RFX7: variants seen among roughly 807,000 people sequenced by gnomAD.
RFX7 encodes regulatory factor X7.
Under a neutral mutation model 111.8 loss-of-function variants are expected in RFX7, and 26 were observed. That is an observed-to-expected ratio of 0.23 (90% CI 0.17 to 0.32). The LOEUF is 0.32. Ranked by LOEUF, RFX7 falls within the 10% of genes least tolerant of loss-of-function variation. RFX7 has a pLI of 1.00. For synonymous variants in RFX7, 624 were observed against 624.4 expected, an observed-to-expected ratio of 1.00 and a Z score of 0.01; for missense variants, 1,573 against 1,772.9, an observed-to-expected ratio of 0.89 and a Z score of 2.02.
chr15:56,094,406 G>A lies in RFX7; in HGVS notation c.3322C>T (p.Gln1108Ter). ...GTGTCATGATGTCTGGATTGAGACTGATAAGACTGTCCAGGCACAGCAAAA... is the reference window on the plus strand; with the variant it reads ...GTGTCATGATGTCTGGATTGAGACTAATAAGACTGTCCAGGCACAGCAAAA... ...HAFAVPGQSY[Q>*]SQSRHHDTHF... The change falls in exon 10 of 10, where the codon CAG becomes TAG. Residue 1108 changes from glutamine to a stop codon, truncating the protein, a stop_gained. Coordinates refer to ENST00000559447, the MANE Select transcript of RFX7 (RefSeq NM_022841.7). LOFTEE classifies it high-confidence loss of function. 6.2e-7 allele frequency: 1 copy of A among 1,613,958 alleles called. No homozygotes were observed. Among genetic ancestry groups the A allele is most frequent in the African/African-American group, 1.3e-5 (1 of 75,038 alleles).
intron 2 of RFX7, among the ~76,000 whole-genome samples, chr15:56,213,906 A>G (rs539569459): frequency 6.6e-6 from 1 of 152,256 alleles, no homozygotes; most frequent in Admixed American, 6.5e-5. Context: ...TTCTTTTACA[A>G]TCTTTGTCAC....
chr15:56,144,409 T>C lies in RFX7; in HGVS notation c.270A>G (p.Gly90=). ...YLQLPSGLSN[G]EKSDQNAMSS... ...GACAAGAATAGATATACCTTTTCTC[T>C]CCATTGCTGAGACCAGAAGGCAGCT... Residue 90 remains glycine, a synonymous_variant, in exon 4 of 10, where the codon GGA becomes GGG. Transcript: ENST00000559447. The C allele has an allele frequency of 7.4e-7, 1 of 1,359,262 alleles. No homozygotes were observed. The highest frequency in any genetic ancestry group is 9.9e-7 in the Non-Finnish European group (1 of 1,014,588). 84.2% of individuals were successfully genotyped at this position (1,359,262 alleles called of 1,614,324 possible). A position where few individuals can be genotyped will look rare whatever the true frequency, so the allele number is the denominator to read the frequency against.
chr15:56,093,549 G>C lies in RFX7; in HGVS notation c.4179C>G (p.Ser1393Arg). The change falls in exon 10 of 10, where the codon AGC becomes AGG. Residue 1393 changes from serine (S) to arginine (R), a missense_variant. Physicochemically the swap from Ser to Arg is moderately radical, Grantham distance 110. This residue lies in a region of RFX7 where 411 missense variants were observed against 478.1 expected (regional missense o/e 0.86). Transcript: ENST00000559447. ...DIRLSSELSG[S>R]INDLNTLDPN... ...GGTCTAAAGTGTTCAAATCATTGAT[G>C]CTGCCTGAGAGCTCAGAAGACAACC... 6.2e-7 allele frequency: 1 copy of C among 1,613,824 alleles called. No homozygotes were observed. Among genetic ancestry groups the C allele is most frequent in the Non-Finnish European group, 8.5e-7 (1 of 1,179,778 alleles).
chr15:56,221,261 C>T (rs1320475509), intron 2 of RFX7, among the ~76,000 whole-genome samples: 2 of 152,158 alleles, frequency 1.3e-5, no homozygotes, highest in Non-Finnish European at 2.9e-5. Flanking sequence ...CTGTAAAATG[C>T]CTTGGGCAGT....
chr15:56,217,506 T>C (rs1198185033), intron 2 of RFX7, among the ~76,000 whole-genome samples: 1 of 152,064 alleles, frequency 6.6e-6, no homozygotes, highest in Non-Finnish European at 1.5e-5. Context: ...ATTTGTGTGA[T>C]TGCTTTCTCT....
At chr15:56,208,206 G>A (rs1407013688) in intron 2 of RFX7, among the ~76,000 whole-genome samples, 2 of 152,146 alleles carry the variant, frequency 1.3e-5, no homozygotes, top group Admixed American at 1.3e-4. Flanking sequence ...TCCTAATAAC[G>A]CTACCCTCAG....
chr15:56,244,190 A>G (rs2043778913), upstream of RFX7: 1 of 152,314 alleles, frequency 6.6e-6, no homozygotes, highest in Non-Finnish European at 1.5e-5. Flanking sequence ...CTTCAAAGCA[A>G]GTAAAGAGAA....
chr15:56,127,313 T>C (rs1248171918), intron 5 of RFX7, among the ~76,000 whole-genome samples: 1 of 151,460 alleles, frequency 6.6e-6, no homozygotes, highest in South Asian at 2.1e-4. Context: ...ATATGGGATG[T>C]AGTCAAAGAA....
In RFX7 at chr15:56,144,484, C is replaced by T. The variant is rs2042441975; in HGVS notation, c.196-1G>A. On this transcript the variant is annotated splice_acceptor_variant, in intron 3 of 9. Coordinates refer to ENST00000559447, the MANE Select transcript of RFX7 (RefSeq NM_022841.7). LOFTEE classifies it high-confidence loss of function. ...GGTCTGTAAACTTCTCAACTTCTTG[C>T]TATTTACAAAGGATTAAAAAGAAAG... is the stretch of plus-strand genomic sequence containing the variant. 1 of 1,357,148 alleles carries T rather than the reference C, an allele frequency of 7.4e-7. No homozygotes were observed. The highest frequency in any genetic ancestry group is 1.5e-5 in the African/African-American group (1 of 67,466). 84.1% of individuals were successfully genotyped at this position (1,357,148 alleles called of 1,614,324 possible). A position where few individuals can be genotyped will look rare whatever the true frequency, so the allele number is the denominator to read the frequency against.
At chr15:56,114,411 C>CAAA (rs55731452) in intron 5 of RFX7, among the ~76,000 whole-genome samples, 3 of 76,770 alleles carry the variant, frequency 3.9e-5, no homozygotes, top group Admixed American at 1.3e-4. Flanking sequence ...ATTCTGTCTC[C>CAAA]AAAAAAAAAA....
intron 2 of RFX7, among the ~76,000 whole-genome samples, chr15:56,241,043 T>C (rs72740507): frequency 6.6e-6 from 1 of 152,152 alleles, no homozygotes; most frequent in Non-Finnish European, 1.5e-5. Flanking sequence ...TATTCCGAAA[T>C]TTTAAGTATA....
intron 5 of RFX7, among the ~76,000 whole-genome samples, chr15:56,122,874 C>T (rs1322096455): frequency 3.3e-5 from 5 of 152,230 alleles, no homozygotes; most frequent in African/African-American, 1.2e-4. Context: ...AAGGGCTCTC[C>T]AGTCAGCCTG....
intron 2 of RFX7, among the ~76,000 whole-genome samples, chr15:56,241,722 A>G (rs1596032996): frequency 3.4e-5 from 1 of 29,616 alleles, no homozygotes; most frequent in Non-Finnish European, 1.1e-4. Flanking sequence ...GCTTTCTGTC[A>G]CACACACACA....
chr15:56,205,588 C>T (rs563890025), intron 2 of RFX7, among the ~76,000 whole-genome samples: 19 of 152,328 alleles, frequency 1.2e-4, no homozygotes, highest in African/African-American at 4.3e-4. Context: ...CTAGAGATTT[C>T]TACTAAACAT....
intron 3 of RFX7, among the ~76,000 whole-genome samples, chr15:56,154,776 CAAGTGAGATA>C (rs2042627890): frequency 2.6e-5 from 4 of 152,156 alleles, no homozygotes; most frequent in African/African-American, 9.7e-5. Context: ...CCAGAATTGA[CAAGTGAGATA>C]TAATTAAAAC....
chr15:56,116,369 G>A lies in RFX7; in HGVS notation c.402-12699C>T, dbSNP rs141376119. The stretch of plus-strand genomic sequence containing the variant: ...GATGACTCAAGTAGAATTTCATGCA[G>A]TCAGTACTCAATACATATTTGTTGA... On this transcript the variant is annotated intron_variant, in intron 5 of 9. Coordinates refer to ENST00000559447, the MANE Select transcript of RFX7 (RefSeq NM_022841.7). Among the ~76,000 whole-genome samples the A allele has an allele frequency of 3.2e-3, 493 of 152,296 alleles. 7 individuals carry two copies. The highest frequency in any genetic ancestry group is 0.011 in the African/African-American group (474 of 41,562).
Position 56,094,356 on chromosome 15 carries a change from G to T in RFX7, c.3372C>A (p.Val1124=), listed in dbSNP as rs769846551. Residue 1124 remains valine (V), a synonymous_variant, in exon 10 of 10, where the codon GTC becomes GTA. Coordinates refer to ENST00000559447, the MANE Select transcript of RFX7 (RefSeq NM_022841.7). ...HDTHFGRLTP[V]SPVQHQGATV... is the part of the protein sequence containing the mutation. The stretch of plus-strand genomic sequence containing the variant: ...TGGCACCTTGATGCTGCACAGGAGA[G>T]ACAGGAGTCAAACGACCAAAATGAG... 6.2e-7 allele frequency: 1 copy of T among 1,613,884 alleles called. No individual in the cohort carries two copies. Among genetic ancestry groups the T allele is most frequent in the African/African-American group, 1.3e-5 (1 of 74,920 alleles).
chr15:56,193,799 T>C (rs1176871789), intron 2 of RFX7, among the ~76,000 whole-genome samples: 5 of 152,176 alleles, frequency 3.3e-5, no homozygotes, highest in Non-Finnish European at 7.4e-5. Context: ...TTGTGTTTTC[T>C]CTAAATCAAA....
intron 5 of RFX7, among the ~76,000 whole-genome samples, chr15:56,134,439 T>G (rs2042262642): frequency 6.6e-6 from 1 of 152,106 alleles, no homozygotes; most frequent in African/African-American, 2.4e-5. Flanking sequence ...ATACCCAGAC[T>G]CAGATATTTT....
Sources: gnomAD v4.1 joint callset for allele counts (sites outside exome capture counted in the v4.1 genomes callset) on GRCh38, gnomAD v4.1.1 for gene constraint, gnomAD v4.1.1 regional missense constraint, MANE v1.5 for transcripts, NCBI Gene and HGNC (gene_info 2026-07-23, HGNC 2026-07-21) for gene names.